MMP16: variants seen among roughly 807,000 people sequenced by gnomAD.
MMP16 encodes matrix metalloproteinase-16.
In MMP16, 12 loss-of-function variants were observed where a neutral mutation model predicts 67.8. The ratio of observed to expected loss-of-function variants is 0.18; its 90% confidence interval spans 0.11 to 0.29. MMP16 has a LOEUF of 0.29. Among genes scored for constraint, MMP16 ranks in the 10% least tolerant of loss-of-function variants. The pLI, the probability that MMP16 is intolerant of heterozygous loss-of-function variation, is 1.00. For synonymous variants in MMP16, 249 were observed against 255.9 expected, an observed-to-expected ratio of 0.97 and a Z score of 0.26; for missense variants, 475 against 765.7, an observed-to-expected ratio of 0.62 and a Z score of 4.48.
chr8:88,164,935 CA>C (rs1236132299), intron 4 of MMP16, among the ~76,000 whole-genome samples: 2 of 151,690 alleles, frequency 1.3e-5, no homozygotes, highest in Non-Finnish European at 2.9e-5. Flanking sequence ...TTAAATCATA[CA>C]AAACACATAA....
rs1365877832 is a variant in MMP16, at chr8:88,032,558, C to T, written c.*8903G>A. 1 of 152,144 alleles carries T rather than the reference C, an allele frequency of 6.6e-6. No homozygotes were observed. The highest frequency in any genetic ancestry group is 2.1e-4 in the South Asian group (1 of 4,834). 9.4% of individuals were successfully genotyped at this position (152,144 alleles called of 1,614,324 possible). On this transcript the variant is annotated 3_prime_UTR_variant, in exon 10 of 10. Transcript: ENST00000286614. ...TGAATAATAAACACTGTTCAATGCA[C>T]TGATCAATAAAATCAATGAAAAAAT...
rs1329451430 is a variant in MMP16, at chr8:88,032,227, T to C, written c.*9234A>G. The C allele has an allele frequency of 6.6e-6, 1 of 152,200 alleles. No homozygotes were observed. Among genetic ancestry groups the C allele is most frequent in the Non-Finnish European group, 1.5e-5 (1 of 68,034 alleles). The allele number at this position is 152,200 out of a possible 1,614,324, so 9.4% of individuals were successfully genotyped here. A position where few individuals can be genotyped will look rare whatever the true frequency, so the allele number is the denominator to read the frequency against. On this transcript the variant is annotated 3_prime_UTR_variant, in exon 10 of 10. Transcript: ENST00000286614. ...TACAAAACAAATCACTGCACAGCCC[T>C]TAACTCTTTGATTGCCATGGCAAGA...
At chr8:88,079,044 T>C (rs17663841) in intron 6 of MMP16, among the ~76,000 whole-genome samples, 26,854 of 152,200 alleles carry the variant, frequency 0.18, 2,759 homozygotes, top group Middle Eastern at 0.28. Flanking sequence ...GCATCTAGAA[T>C]GAAACTCAAA....
chr8:88,131,268 T>TACACACAC (rs111863181), intron 4 of MMP16, among the ~76,000 whole-genome samples: 1,563 of 146,946 alleles, frequency 0.011, 23 homozygotes, highest in African/African-American at 0.036. Flanking sequence ...TATAGTATTA[T>TACACACAC]ACACACACAC....
intron 3 of MMP16, 107 bp downstream of exon 3, chr8:88,186,369 C>T: frequency 7.2e-7 from 1 of 1,383,646 alleles, no homozygotes; most frequent in Non-Finnish European, 1.0e-6. Context: ...ACATTATATC[C>T]CTATATATTA....
chr8:88,274,839 A>C (rs1166575293), intron 1 of MMP16, among the ~76,000 whole-genome samples: 1 of 152,044 alleles, frequency 6.6e-6, no homozygotes, highest in Non-Finnish European at 1.5e-5. Flanking sequence ...AGCAACTGAC[A>C]TCACTACCAA....
In MMP16 at chr8:88,039,530, CAT is replaced by C. The variant is rs1373709470; in HGVS notation, c.*1929_*1930del. The stretch of plus-strand genomic sequence containing the variant: ...CAAGTTAAAGGTCAAAGGGCAAAGA[CAT>C]AGAACAGGACTCTTCAAGGAAAATT... On this transcript the variant is annotated 3_prime_UTR_variant, in exon 10 of 10. Transcript: ENST00000286614. This position sits in a 1 kb window ranked among gnomAD's most constrained non-coding sequence, Gnocchi z 4.5. 1 of 152,580 alleles carries C rather than the reference CAT, an allele frequency of 6.6e-6. No homozygotes were observed. The highest frequency in any genetic ancestry group is 6.6e-5 in the Admixed American group (1 of 15,252). 9.5% of individuals were successfully genotyped at this position (152,580 alleles called of 1,614,324 possible).
chr8:88,163,082 A>C (rs1808656968), intron 4 of MMP16, among the ~76,000 whole-genome samples: 1 of 152,044 alleles, frequency 6.6e-6, no homozygotes, highest in African/African-American at 2.4e-5. Flanking sequence ...TGGGAAGGCA[A>C]ACCTTAGGCA....
chr8:88,144,241 T>C (rs1441383224), intron 4 of MMP16, among the ~76,000 whole-genome samples: 1 of 151,960 alleles, frequency 6.6e-6, no homozygotes, highest in Non-Finnish European at 1.5e-5. Flanking sequence ...AATGATGCCG[T>C]TTTCTTGATC....
In MMP16 at chr8:88,041,457, T is replaced by C. The variant is rs776169908; in HGVS notation, c.*4A>G. The C allele has an allele frequency of 1.2e-6, 2 of 1,603,034 alleles. No individual in the cohort carries two copies. The highest frequency in any genetic ancestry group is 1.1e-5 in the South Asian group (1 of 90,354). Reference sequence around the variant, plus strand: ...AAAAGAAAGAAAGAAGAAAAAACCCTACATCACACCCACTCTTGCATAGAG... The same window carrying C: ...AAAAGAAAGAAAGAAGAAAAAACCCCACATCACACCCACTCTTGCATAGAG... On this transcript the variant is annotated 3_prime_UTR_variant, in exon 10 of 10. Transcript: ENST00000286614. This position sits in a 1 kb window ranked among gnomAD's most constrained non-coding sequence, Gnocchi z 6.0.
rs542654507 is a variant in MMP16, at chr8:88,041,678, G to A, written c.1607C>T (p.Thr536Ile). 4 of 1,614,052 alleles carry A rather than the reference G, an allele frequency of 2.5e-6. No homozygotes were observed. In the East Asian group the frequency reaches 6.7e-5, roughly 27 times the overall value. ...LKDFMGCDGPTDRVKEGHSPP... is the reference protein window; with the variant it reads ...LKDFMGCDGPIDRVKEGHSPP... ...GCTGTGTCCTTCTTTAACTCTGTCT[G>A]TTGGTCCATCACAGCCCATAAAATC... The change falls in exon 10 of 10, where the codon ACA becomes ATA. Residue 536 changes from threonine (T) to isoleucine (I), a missense_variant. Around this residue, in one of 5 missense-constraint regions of MMP16, gnomAD observed 80 missense variants for 93.4 expected, o/e 0.86. Transcript: ENST00000286614. This position sits in a 1 kb window ranked among gnomAD's most constrained non-coding sequence, Gnocchi z 6.0.
intron 1 of MMP16, among the ~76,000 whole-genome samples, chr8:88,315,991 T>C (rs974534547): frequency 6.6e-6 from 1 of 152,134 alleles, no homozygotes; most frequent in African/African-American, 2.4e-5. Flanking sequence ...GTGGTTTGAA[T>C]AGACCAAACC....
chr8:88,173,368 A>G (rs764383858), intron 3 of MMP16, among the ~76,000 whole-genome samples: 17 of 152,104 alleles, frequency 1.1e-4, no homozygotes, highest in Non-Finnish European at 1.8e-4. Context: ...AAAGTATTTG[A>G]TACCTTTTTA....
At chr8:88,067,180 C>T (rs138571581) in intron 7 of MMP16, among the ~76,000 whole-genome samples, 57 of 152,122 alleles carry the variant, frequency 3.7e-4, no homozygotes, top group African/African-American at 1.3e-3. Flanking sequence ...AAAACTTTAA[C>T]GTAGAGGGGA....
intron 1 of MMP16, among the ~76,000 whole-genome samples, chr8:88,292,640 T>G (rs1283102589): frequency 1.3e-5 from 2 of 152,178 alleles, no homozygotes; most frequent in Non-Finnish European, 2.9e-5. Context: ...GAAGTGCTAA[T>G]GAAATAAGTT....
chr8:88,193,389 G>A (rs936443883), intron 2 of MMP16, among the ~76,000 whole-genome samples: 5 of 152,022 alleles, frequency 3.3e-5, no homozygotes, highest in African/African-American at 1.2e-4. Flanking sequence ...AGAACTTCAT[G>A]GAGACAGAGA....
At position 88,327,367 on chromosome 8, in the gene MMP16, G is replaced by T; in HGVS notation, c.-161C>A. The T allele has an allele frequency of 1.2e-6, 1 of 800,162 alleles. No homozygotes were observed. Among genetic ancestry groups the T allele is most frequent in the Non-Finnish European group, 1.9e-6 (1 of 515,450 alleles). 49.6% of individuals were successfully genotyped at this position (800,162 alleles called of 1,614,324 possible). A position where few individuals can be genotyped will look rare whatever the true frequency, so the allele number is the denominator to read the frequency against. On this transcript the variant is annotated 5_prime_UTR_variant, in exon 1 of 10. Transcript: ENST00000286614. The stretch of plus-strand genomic sequence containing the variant: ...CAAGGGGAGGAGACAGGGGCCCCGC[G>T]CTCGGCAGCCCCCGAGAGGCAGCGG...
At chr8:88,075,070 T>G (rs1057262381) in intron 6 of MMP16, among the ~76,000 whole-genome samples, 1 of 152,088 alleles carries the variant, frequency 6.6e-6, no homozygotes, top group Non-Finnish European at 1.5e-5. Context: ...GCTTCTTGAA[T>G]GTGAGAGCAG....
chr8:88,209,357 T>C (rs567563786), intron 1 of MMP16, among the ~76,000 whole-genome samples: 1 of 152,248 alleles, frequency 6.6e-6, no homozygotes, highest in African/African-American at 2.4e-5. Context: ...AATAAATATA[T>C]TTTTCTTCCA....
Sources: allele counts gnomAD v4.1 joint callset (sites outside exome capture counted in the v4.1 genomes callset), GRCh38; gene constraint gnomAD v4.1.1; regional missense constraint gnomAD v4.1.1; non-coding constraint Gnocchi (gnomAD v3.1); transcripts MANE v1.5; gene names NCBI Gene and HGNC (gene_info 2026-07-23, HGNC 2026-07-21).